Variants in PREX2 observed in about 807,000 individuals in gnomAD.
The protein encoded by PREX2 is phosphatidylinositol 3,4,5-trisphosphate-dependent Rac exchanger 2 protein.
PREX2 carries 107 observed loss-of-function variants against 203.2 expected under a neutral mutation model. That is an observed-to-expected ratio of 0.53 (90% CI 0.45 to 0.62). PREX2 has a LOEUF of 0.62. Among genes scored for constraint, PREX2 ranks in the 20% least tolerant of loss-of-function variants. PREX2 has a pLI of 0.00. For missense variants in PREX2, 1,777 were observed against 1,955.9 expected, an observed-to-expected ratio of 0.91 and a Z score of 1.72; for synonymous variants, 672 against 663.6, an observed-to-expected ratio of 1.01 and a Z score of -0.19.
intron 1 of PREX2, among the ~76,000 whole-genome samples, chr8:67,982,449 T>C (rs1049794778): frequency 6.6e-6 from 1 of 152,040 alleles, no homozygotes; most frequent in African/African-American, 2.4e-5. Context: ...GTGTGGAAAA[T>C]AATAATGCCT....
At chr8:68,225,581 A>T (rs190967589) in intron 39 of PREX2, among the ~76,000 whole-genome samples, 1 of 152,342 alleles carries the variant, frequency 6.6e-6, no homozygotes, top group East Asian at 1.9e-4. Flanking sequence ...TGGCTGCAGC[A>T]TTTGTGAAGT....
chr8:68,025,733 GAGAC>G (rs1289897547), intron 4 of PREX2, among the ~76,000 whole-genome samples: 5 of 152,052 alleles, frequency 3.3e-5, no homozygotes, highest in Non-Finnish European at 7.4e-5. Context: ...CCAAAGTGCT[GAGAC>G]TACAGGTGTG....
chr8:67,968,072 A>T (rs1005051760), intron 1 of PREX2, among the ~76,000 whole-genome samples: 20 of 147,228 alleles, frequency 1.4e-4, no homozygotes, highest in African/African-American at 1.7e-4. Flanking sequence ...TTAAAGTATA[A>T]AAAAAAAAAA....
At chr8:68,005,223 A>G (rs1016045054) in intron 1 of PREX2, among the ~76,000 whole-genome samples, 1 of 152,170 alleles carries the variant, frequency 6.6e-6, no homozygotes, top group Non-Finnish European at 1.5e-5. Flanking sequence ...TCTTCCGCTC[A>G]CAATTCACAG....
At chr8:68,069,931 T>C (rs776948734) in intron 13 of PREX2, 47 bp downstream of exon 13, 25 of 1,089,010 alleles carry the variant, frequency 2.3e-5, no homozygotes, top group Middle Eastern at 2.1e-4. Context: ...GAAATATTTG[T>C]ACTATGTTTT....
At chr8:67,979,082 G>A (rs1044520079) in intron 1 of PREX2, among the ~76,000 whole-genome samples, 2 of 152,142 alleles carry the variant, frequency 1.3e-5, no homozygotes, top group African/African-American at 2.4e-5. Context: ...TGCAAATAGC[G>A]TGAGAAAGAA....
intron 1 of PREX2, among the ~76,000 whole-genome samples, chr8:68,015,805 AAATT>A (rs1015195121): frequency 3.3e-5 from 5 of 152,232 alleles, no homozygotes; most frequent in Non-Finnish European, 7.4e-5. Context: ...TAATACTAAT[AAATT>A]GAGTACTTAA....
chr8:67,998,738 C>T (rs571380149), intron 1 of PREX2, among the ~76,000 whole-genome samples: 2 of 152,266 alleles, frequency 1.3e-5, no homozygotes, highest in Non-Finnish European at 2.9e-5. Context: ...CCATTGTTCT[C>T]CAGCCTGGGT....
At chr8:67,990,408 A>G (rs964210002) in intron 1 of PREX2, among the ~76,000 whole-genome samples, 1 of 151,732 alleles carries the variant, frequency 6.6e-6, no homozygotes, top group Non-Finnish European at 1.5e-5. Flanking sequence ...AAAAAAAAGA[A>G]CTTAGGTCAA....
chr8:68,015,581 G>T (rs1227650049), intron 1 of PREX2, among the ~76,000 whole-genome samples: 1 of 152,136 alleles, frequency 6.6e-6, no homozygotes, highest in East Asian at 1.9e-4. Context: ...ATGAAGAAAA[G>T]GTTTATAAAT....
chr8:67,976,758 CAGAG>C (rs538917016), intron 1 of PREX2, among the ~76,000 whole-genome samples: 6 of 73,336 alleles, frequency 8.2e-5, no homozygotes, highest in Admixed American at 1.5e-4. Flanking sequence ...GCGAGAGAGA[CAGAG>C]AGAGAGAGAC....
In PREX2 at chr8:68,224,581, C is replaced by T. The variant is rs200020354; in HGVS notation, c.4730C>T (p.Ala1577Val). The stretch of plus-strand genomic sequence containing the variant: ...CAGGGAGCAAGAGTTCAGAACACAG[C>T]GAAGAATTTGGGAGTCAGAGACCGG... ...RKQGARVQNTAKNLGVRDRTP... is the reference protein window; with the variant it reads ...RKQGARVQNTVKNLGVRDRTP... The change falls in exon 39 of 40, where the codon GCG becomes GTG. Residue 1577 changes from alanine (A) to valine (V), a missense_variant. Coordinates refer to ENST00000288368, the MANE Select transcript of PREX2 (RefSeq NM_024870.4). 3.7e-5 allele frequency: 59 copies of T among 1,613,592 alleles called. No individual in the cohort carries two copies. The highest frequency in any genetic ancestry group is 1.6e-4 in the Middle Eastern group (1 of 6,084).
At position 68,099,814 on chromosome 8, in the gene PREX2, CTA is replaced by C; in HGVS notation, c.2688_2689del (p.Cys897SerfsTer7). The C allele has an allele frequency of 6.2e-7, 1 of 1,611,598 alleles. No homozygotes were observed. Among genetic ancestry groups the C allele is most frequent in the Non-Finnish European group, 8.5e-7 (1 of 1,177,912 alleles). On this transcript the variant is annotated frameshift_variant, in exon 23 of 40. Coordinates refer to ENST00000288368, the MANE Select transcript of PREX2 (RefSeq NM_024870.4). LOFTEE classifies it high-confidence loss of function. ...SALCSERIEH[L>X]CQRISSYKKF... ...CCTTTGCAGTGAAAGAATTGAACAC[CTA>C]TGTCAGAGAATATCCAGTTATAAAA...
intron 30 of PREX2, among the ~76,000 whole-genome samples, chr8:68,122,409 A>C (rs1369781787): frequency 6.6e-6 from 1 of 152,084 alleles, no homozygotes; most frequent in African/African-American, 2.4e-5. Flanking sequence ...TTTAATGAAA[A>C]GTCTGAATTT....
At chr8:67,978,010 T>C (rs1025055012) in intron 1 of PREX2, among the ~76,000 whole-genome samples, 4 of 151,984 alleles carry the variant, frequency 2.6e-5, no homozygotes, top group African/African-American at 9.7e-5. Context: ...CAAGGAAGGG[T>C]GAGGGGAACC....
intron 33 of PREX2, among the ~76,000 whole-genome samples, chr8:68,143,803 A>G (rs1811272556): frequency 6.6e-6 from 1 of 152,154 alleles, no homozygotes; most frequent in Non-Finnish European, 1.5e-5. Flanking sequence ...ATAATCTGGC[A>G]GGAATTGTAT....
intron 1 of PREX2, among the ~76,000 whole-genome samples, chr8:67,959,115 G>A (rs1805564429): frequency 6.6e-6 from 1 of 152,196 alleles, no homozygotes; most frequent in African/African-American, 2.4e-5. Flanking sequence ...AAAGGATAGA[G>A]GAAGAGTAGA....
At chr8:68,023,023 A>G (rs550706227) in intron 4 of PREX2, among the ~76,000 whole-genome samples, 2 of 152,188 alleles carry the variant, frequency 1.3e-5, no homozygotes, top group Admixed American at 1.3e-4. Flanking sequence ...TTGTTTATCT[A>G]TTTGCCAGTT....
intron 1 of PREX2, among the ~76,000 whole-genome samples, chr8:67,982,138 G>A (rs755279397): frequency 1.1e-4 from 16 of 152,146 alleles, no homozygotes; most frequent in Non-Finnish European, 2.1e-4. Flanking sequence ...TGATTTAGAA[G>A]TGTGGATAGC....
Sources: gnomAD v4.1 joint callset for allele counts (sites outside exome capture counted in the v4.1 genomes callset) on GRCh38, gnomAD v4.1.1 for gene constraint, MANE v1.5 for transcripts, NCBI Gene and HGNC (gene_info 2026-07-23, HGNC 2026-07-21) for gene names.